The following ERAP1 variants were observed in gnomAD, a reference collection of about 807,000 sequenced individuals.
ERAP1 encodes endoplasmic reticulum aminopeptidase 1.
A neutral mutation model predicts 103.7 loss-of-function variants in ERAP1; 86 were observed. That is an observed-to-expected ratio of 0.83 (90% CI 0.70 to 0.99). The LOEUF (loss-of-function observed/expected upper bound fraction) is 0.99. ERAP1 is among the 50% of genes least tolerant of loss of function. The pLI is 0.00. For missense variants in ERAP1, 1,009 were observed against 1,128.4 expected (o/e 0.89, Z 1.52); for synonymous variants, 398 against 402.4 (o/e 0.99, Z 0.13).
At chr5:96,772,618 T>C (rs976790545), downstream of ERAP1, 6 of 152,866 alleles carry the variant, frequency 3.9e-5, 1 homozygote, top group African/African-American at 1.4e-4. Context: ...ATTCACTGCA[T>C]TTTTTATTTG....
chr5:96,827,984 T>C, the ERAP1 span, among the ~76,000 whole-genome samples: 6 of 152,378 alleles, frequency 3.9e-5, no homozygotes, highest in African/African-American at 1.4e-4. Flanking sequence ...TAAGACTTTG[T>C]AGTTCACAGA....
intron 3 of ERAP1, among the ~76,000 whole-genome samples, chr5:96,799,547 C>T (rs897127228): frequency 5.9e-5 from 9 of 152,164 alleles, no homozygotes; most frequent in African/African-American, 2.2e-4. Context: ...AGCTCCAGGC[C>T]TCCCTTCTGA....
the ERAP1 span, among the ~76,000 whole-genome samples, chr5:96,933,495 G>A: frequency 6.6e-6 from 1 of 152,114 alleles, no homozygotes; most frequent in African/African-American, 2.4e-5. Context: ...GGTTGGCAAA[G>A]AAATCATTTG....
chr5:96,862,489 C>G, the ERAP1 span, among the ~76,000 whole-genome samples: 1 of 152,160 alleles, frequency 6.6e-6, no homozygotes, highest in Non-Finnish European at 1.5e-5. Context: ...CAAGCTGTCA[C>G]AGAAAATCAG....
intron 5 of ERAP1, among the ~76,000 whole-genome samples, chr5:96,794,171 C>CTT (rs35041937): frequency 0.068 from 4,657 of 68,660 alleles, 1,034 homozygotes; most frequent in African/African-American, 0.099. Flanking sequence ...CATCTCAGGC[C>CTT]TTTTTTTTTT....
At chr5:96,914,042 T>C in the ERAP1 span, among the ~76,000 whole-genome samples, 1 of 152,168 alleles carries the variant, frequency 6.6e-6, no homozygotes, top group Non-Finnish European at 1.5e-5. Context: ...CATTTCAATA[T>C]GTTCCTGGAT....
chr5:96,812,786 A>G (rs1308962585), upstream of ERAP1, among the ~76,000 whole-genome samples: 2 of 152,252 alleles, frequency 1.3e-5, no homozygotes, highest in Non-Finnish European at 2.9e-5. Flanking sequence ...AGTATATACA[A>G]TTGGGGCCTG....
At chr5:96,791,210 T>C (rs1776695962) in intron 8 of ERAP1, among the ~76,000 whole-genome samples, 1 of 152,168 alleles carries the variant, frequency 6.6e-6, no homozygotes, top group African/African-American at 2.4e-5. Context: ...TAAAGGGCTC[T>C]TTTCCCCTCC....
chr5:96,884,079 T>TATC, the ERAP1 span: 18 of 585,234 alleles, frequency 3.1e-5, no homozygotes, highest in Admixed American at 4.1e-5. Context: ...TCTATCTATC[T>TATC]ATCATCATAA....
chr5:96,901,129 C>T, the ERAP1 span, among the ~76,000 whole-genome samples: 2 of 152,120 alleles, frequency 1.3e-5, no homozygotes, highest in African/African-American at 2.4e-5. Context: ...ATATTTCCCT[C>T]GTAAACCACC....
chr5:96,853,895 AG>A, the ERAP1 span, among the ~76,000 whole-genome samples: 2 of 152,126 alleles, frequency 1.3e-5, no homozygotes, highest in Admixed American at 1.3e-4. Flanking sequence ...ACCTTAGAAA[AG>A]TGAACAAAAT....
chr5:96,899,585 T>C, the ERAP1 span, among the ~76,000 whole-genome samples: 9 of 152,230 alleles, frequency 5.9e-5, no homozygotes, highest in Non-Finnish European at 8.8e-5. Flanking sequence ...AGTTGGTACT[T>C]TTCTTAATTC....
chr5:96,807,770 G>GC (rs1778816893), intron 1 of ERAP1, 90 bp downstream of exon 1: 7 of 919,450 alleles, frequency 7.6e-6, no homozygotes, highest in African/African-American at 3.6e-5. Flanking sequence ...CAGGCCCTCA[G>GC]CCCCCCACTT....
chr5:96,880,641 A>C, the ERAP1 span, among the ~76,000 whole-genome samples: 1 of 152,238 alleles, frequency 6.6e-6, no homozygotes, highest in East Asian at 1.9e-4. Flanking sequence ...GGAGAGAGGA[A>C]GTGACAAAGT....
chr5:96,881,130 C>T, the ERAP1 span: 2 of 300,604 alleles, frequency 6.7e-6, no homozygotes, highest in East Asian at 1.8e-4. Flanking sequence ...AGCCTTGGGG[C>T]GTCTTGTAAG....
chr5:96,853,568 C>T, the ERAP1 span, among the ~76,000 whole-genome samples: 2 of 152,058 alleles, frequency 1.3e-5, no homozygotes, highest in African/African-American at 4.8e-5. Flanking sequence ...AGGACAGCTA[C>T]AATCAACTTA....
the ERAP1 span, among the ~76,000 whole-genome samples, chr5:96,862,173 G>A: frequency 6.6e-6 from 1 of 151,944 alleles, no homozygotes; most frequent in African/African-American, 2.4e-5. Context: ...TTTATTTTTT[G>A]TAGAGATGGG....
At chr5:96,821,701 G>A in the ERAP1 span, among the ~76,000 whole-genome samples, 3,412 of 152,258 alleles carry the variant, frequency 0.022, 126 homozygotes, top group African/African-American at 0.078. Flanking sequence ...ATCTGAGGCT[G>A]GTAAAAGCCT....
chr5:96,793,976 A>G lies in ERAP1; in HGVS notation c.920-19T>C, dbSNP rs1207609296. 6.2e-7 allele frequency: 1 copy of G among 1,613,376 alleles called. No homozygotes were observed. Among genetic ancestry groups the G allele is most frequent in the Non-Finnish European group, 8.5e-7 (1 of 1,179,478 alleles). On this transcript the variant is annotated intron_variant, in intron 5 of 18. Transcript: ENST00000443439. ...GCAAGATCTTGGGAAGGAAGTAATAAAATACATTACCAGTCTCTAAGCTAT... is the reference window on the plus strand; with the variant it reads ...GCAAGATCTTGGGAAGGAAGTAATAGAATACATTACCAGTCTCTAAGCTAT...
Sources: allele counts gnomAD v4.1 joint callset (sites outside exome capture counted in the v4.1 genomes callset), GRCh38; gene constraint gnomAD v4.1.1; transcripts MANE v1.5; gene names NCBI Gene and HGNC (gene_info 2026-07-23, HGNC 2026-07-21).